POM121C: variants seen among roughly 807,000 people sequenced by gnomAD.
POM121C encodes POM121 transmembrane nucleoporin C.
Under a neutral mutation model 66.4 loss-of-function variants are expected in POM121C, and 20 were observed. The observed-to-expected ratio is 0.30, with a 90% confidence interval of 0.21 to 0.44. The LOEUF is 0.44. Among genes scored for constraint, POM121C ranks in the 20% least tolerant of loss-of-function variants. The pLI is 1.00. For missense variants in POM121C, 580 were observed against 1,225.7 expected (o/e 0.47, Z 7.87); for synonymous variants, 286 against 528.0 (o/e 0.54, Z 6.28).
rs188827806 is a variant in POM121C, at chr7:75,424,460, C to A, written c.871+66G>T. ...CAGAGAAACCCATTTTTCCAAACAC[C>A]AAAATAAAACCAAAGAAAACAGACA... On this transcript the variant is annotated intron_variant, in intron 11 of 14. Coordinates refer to ENST00000615331, the MANE Select transcript of POM121C (RefSeq NM_001099415.3). The A allele has an allele frequency of 3.0e-4, 469 of 1,573,604 alleles. 3 individuals are homozygous for A. The Middle Eastern group carries it at 3.6e-3, about 12-fold the overall frequency.
chr7:75,476,587 C>T (rs1554479397), intron 1 of POM121C, among the ~76,000 whole-genome samples: 2 of 151,986 alleles, frequency 1.3e-5, no homozygotes, highest in African/African-American at 4.8e-5. Context: ...CAAGCTTATC[C>T]ACAGGCAGGC....
In POM121C at chr7:75,471,730, C is replaced by T. The variant is rs587679927; in HGVS notation, c.-152+2974G>A. Among the ~76,000 whole-genome samples the T allele has an allele frequency of 3.6e-4, 55 of 152,174 alleles. 1 individual carries two copies. In the South Asian group the frequency reaches 6.6e-3, roughly 18 times the overall value. On this transcript the variant is annotated intron_variant, in intron 3 of 14. Coordinates refer to ENST00000615331, the MANE Select transcript of POM121C (RefSeq NM_001099415.3). ...ATGGCGAAAGCACGACCTGCCAGAG[C>T]GCTTGCTGACGAGCCACACTCCACA... is the stretch of plus-strand genomic sequence containing the variant.
chr7:75,429,596 A>T (rs1267184550), intron 7 of POM121C, among the ~76,000 whole-genome samples: 1 of 152,216 alleles, frequency 6.6e-6, no homozygotes, highest in East Asian at 1.9e-4. Context: ...GTGCCACTGC[A>T]CTCCAGCCTG....
chr7:75,456,948 A>G (rs1471659207), intron 3 of POM121C, among the ~76,000 whole-genome samples: 1 of 150,638 alleles, frequency 6.6e-6, no homozygotes, highest in Non-Finnish European at 1.5e-5. Flanking sequence ...GGAGTTTGAG[A>G]CCAGCCTGGC....
intron 3 of POM121C, among the ~76,000 whole-genome samples, chr7:75,448,466 T>A (rs1584683489): frequency 9.7e-6 from 1 of 103,366 alleles, no homozygotes; most frequent in Non-Finnish European, 1.8e-5. Context: ...AAGGGCAGAG[T>A]AGACAGCTCC....
rs1345926035 is a variant in POM121C, at chr7:75,437,798, T to C, written c.309-112A>G. The C allele has an allele frequency of 2.9e-6, 4 of 1,391,380 alleles. No individual in the cohort carries two copies. In the East Asian group the frequency reaches 1.0e-4, roughly 35 times the overall value. The allele number at this position is 1,391,380 out of a possible 1,614,324, so 86.2% of individuals were successfully genotyped here. ...ACATGAAGGGAAGAGAATAATGCTT[T>C]TAATTTTTACTGCTAACAATCTGGC... On this transcript the variant is annotated intron_variant, in intron 6 of 14. Coordinates refer to ENST00000615331, the MANE Select transcript of POM121C (RefSeq NM_001099415.3).
At chr7:75,418,921 G>C in intron 14 of POM121C, 28 bp from the exon 15 acceptor site, 2 of 1,568,638 alleles carry the variant, frequency 1.3e-6, no homozygotes, top group South Asian at 1.2e-5. Flanking sequence ...GACCTCATCA[G>C]GGCAGCTGCT....
chr7:75,483,219 TTA>T (rs1388423133), intron 1 of POM121C, among the ~76,000 whole-genome samples: 1 of 152,180 alleles, frequency 6.6e-6, no homozygotes, highest in Non-Finnish European at 1.5e-5. Context: ...AAGCCATAAG[TTA>T]CAGTAATTTA....
intron 6 of POM121C, 100 bp downstream of exon 6, chr7:75,439,044 A>G (rs1790526485): frequency 7.6e-7 from 1 of 1,312,696 alleles, no homozygotes; most frequent in African/African-American, 1.5e-5. Context: ...TGAACTAATT[A>G]AGCAATGCAA....
chr7:75,478,546 C>G (rs1415637071), intron 1 of POM121C, among the ~76,000 whole-genome samples: 1 of 150,730 alleles, frequency 6.6e-6, no homozygotes, highest in African/African-American at 2.4e-5. Context: ...GTTCATCGTT[C>G]TATTCCAAAT....
intron 3 of POM121C, among the ~76,000 whole-genome samples, chr7:75,451,085 T>C (rs10953514): frequency 0.36 from 54,276 of 152,074 alleles, 12,585 homozygotes; most frequent in East Asian, 0.88. Flanking sequence ...ATCAGTATTG[T>C]GAAAATGGCT....
intron 7 of POM121C, among the ~76,000 whole-genome samples, chr7:75,431,530 G>A (rs1790178298): frequency 6.7e-6 from 1 of 148,864 alleles, no homozygotes; most frequent in Non-Finnish European, 1.5e-5. Flanking sequence ...TTGAACCCAG[G>A]AGGTGGAGGT....
intron 13 of POM121C, chr7:75,419,811 C>T (rs1563135606): frequency 4.4e-6 from 1 of 226,278 alleles, no homozygotes; most frequent in Non-Finnish European, 8.7e-6. Flanking sequence ...CCACCGTCCC[C>T]TCCCCTCTGA....
At chr7:75,438,604 G>A (rs587629089) in intron 6 of POM121C, among the ~76,000 whole-genome samples, 228 of 152,326 alleles carry the variant, frequency 1.5e-3, no homozygotes, top group Middle Eastern at 0.014. Context: ...AGTGCTCCAC[G>A]GACAGTGAGC....
At chr7:75,484,630 T>C (rs1792440237) in intron 1 of POM121C, among the ~76,000 whole-genome samples, 1 of 139,288 alleles carries the variant, frequency 7.2e-6, no homozygotes, top group East Asian at 2.1e-4. Context: ...GACCACGCTG[T>C]TGCATTCCAG....
chr7:75,472,052 A>AT (rs1282609079), intron 3 of POM121C, among the ~76,000 whole-genome samples: 6 of 151,484 alleles, frequency 4.0e-5, no homozygotes, highest in African/African-American at 1.5e-4. Context: ...CGCCCGGCTA[A>AT]TTTTTTTGTA....
intron 3 of POM121C, chr7:75,442,605 G>A (rs1554474249): frequency 7.4e-6 from 11 of 1,490,928 alleles, no homozygotes; most frequent in South Asian, 1.3e-5. Flanking sequence ...ACCAGCGACA[G>A]GCCGAGAAGC....
intron 3 of POM121C, among the ~76,000 whole-genome samples, chr7:75,448,377 ACT>A (rs1554475149): frequency 6.6e-6 from 1 of 151,986 alleles, no homozygotes; most frequent in African/African-American, 2.4e-5. Flanking sequence ...GAAAATGGTA[ACT>A]ACATATATTT....
At chr7:75,429,740 T>C (rs1404736843) in intron 7 of POM121C, among the ~76,000 whole-genome samples, 2 of 152,104 alleles carry the variant, frequency 1.3e-5, no homozygotes, top group East Asian at 1.9e-4. Flanking sequence ...AGGTGGGACA[T>C]GGTGGTTCAT....
Sources: gnomAD v4.1 joint callset for allele counts (sites outside exome capture counted in the v4.1 genomes callset) on GRCh38, gnomAD v4.1.1 for gene constraint, MANE v1.5 for transcripts, NCBI Gene and HGNC (gene_info 2026-07-23, HGNC 2026-07-21) for gene names.